The following GABRB3 variants were observed in gnomAD, a reference collection of about 807,000 sequenced individuals.
The protein encoded by GABRB3 is gamma-aminobutyric acid type A receptor subunit beta3, also known as gamma-aminobutyric acid receptor subunit beta-3.
GABRB3 carries 14 observed loss-of-function variants against 52.1 expected under a neutral mutation model. The observed-to-expected ratio is 0.27, with a 90% CI of 0.18 to 0.42. The LOEUF is 0.42. GABRB3 is among the 10% of genes least tolerant of loss of function. The pLI is 1.00. For missense variants in GABRB3, 307 were observed against 609.1 expected (o/e 0.50, Z 5.22); for synonymous variants, 260 against 232.3 (o/e 1.12, Z -1.08).
intron 3 of GABRB3, among the ~76,000 whole-genome samples, chr15:26,742,808 TTATCAAG>T (rs1890243228): frequency 6.6e-6 from 1 of 152,216 alleles, no homozygotes; most frequent in Non-Finnish European, 1.5e-5. Context: ...CTTTATCAAT[TTATCAAG>T]TTCTTGCCAA....
intron 5 of GABRB3, among the ~76,000 whole-genome samples, chr15:26,581,586 C>G (rs1890791868): frequency 6.6e-6 from 1 of 152,218 alleles, no homozygotes; most frequent in Admixed American, 6.5e-5. Flanking sequence ...CTTCATCCCT[C>G]CTTTCTCATT....
chr15:26,619,045 T>C (rs889645193), intron 4 of GABRB3, among the ~76,000 whole-genome samples: 27 of 150,302 alleles, frequency 1.8e-4, no homozygotes, highest in African/African-American at 3.4e-4. Flanking sequence ...TGTGGAGAAA[T>C]AGGAACACTT....
At chr15:26,700,096 T>C (rs1441970592) in intron 3 of GABRB3, among the ~76,000 whole-genome samples, 1 of 151,172 alleles carries the variant, frequency 6.6e-6, no homozygotes, top group African/African-American at 2.4e-5. Flanking sequence ...ACCAGACTGA[T>C]AAGGAAAAAA....
intron 3 of GABRB3, among the ~76,000 whole-genome samples, chr15:26,655,139 G>A (rs1463013888): frequency 6.6e-6 from 1 of 152,252 alleles, no homozygotes; most frequent in Admixed American, 6.5e-5. Flanking sequence ...TTACAAGATT[G>A]TGTTGCACAT....
intron 8 of GABRB3, among the ~76,000 whole-genome samples, chr15:26,552,710 G>C (rs1024452086): frequency 6.6e-6 from 1 of 152,154 alleles, no homozygotes; most frequent in Non-Finnish European, 1.5e-5. Context: ...AGATTCTCCA[G>C]GACAGAAGCT....
chr15:26,693,128 T>C lies in GABRB3; in HGVS notation c.241-71594A>G, dbSNP rs904075292. On this transcript the variant is annotated intron_variant, in intron 3 of 8. Transcript: ENST00000311550. Reference sequence around the variant, plus strand: ...GCTGGCCAAAATAAACCCATACCAATAATCTATAAACAGGGATTTCTCATT... The same window carrying C: ...GCTGGCCAAAATAAACCCATACCAACAATCTATAAACAGGGATTTCTCATT... 5.3e-4 allele frequency among the ~76,000 whole-genome samples: 81 copies of C among 152,300 alleles called. 1 individual carries two copies. The highest frequency in any genetic ancestry group is 1.7e-3 in the African/African-American group (71 of 41,574).
At chr15:26,632,199 C>G (rs969015611) in intron 3 of GABRB3, among the ~76,000 whole-genome samples, 6 of 152,202 alleles carry the variant, frequency 3.9e-5, no homozygotes, top group Non-Finnish European at 5.9e-5. Context: ...AAGTGTACAG[C>G]AATGCGAAAG....
intron 3 of GABRB3, chr15:26,629,024 CG>C: frequency 5.2e-6 from 8 of 1,536,154 alleles, no homozygotes; most frequent in Non-Finnish European, 7.0e-6. Context: ...GGGAGTCTCC[CG>C]GTATCCCGGT....
upstream of GABRB3, chr15:26,773,611 G>T: frequency 2.0e-6 from 3 of 1,524,310 alleles, no homozygotes; most frequent in Non-Finnish European, 2.7e-6. Context: ...CCTCCCGACG[G>T]TGCCTGCAGA....
intron 3 of GABRB3, among the ~76,000 whole-genome samples, chr15:26,678,708 C>T (rs1175404674): frequency 6.6e-6 from 1 of 152,124 alleles, no homozygotes; most frequent in African/African-American, 2.4e-5. Context: ...TGGCTCTCAA[C>T]CCACCCAGGA....
At chr15:26,638,219 C>T (rs28718842) in intron 3 of GABRB3, among the ~76,000 whole-genome samples, 7,186 of 152,076 alleles carry the variant, frequency 0.047, 575 homozygotes, top group African/African-American at 0.16. Context: ...CACAATGACC[C>T]CCAAAGGGCA....
intron 3 of GABRB3, among the ~76,000 whole-genome samples, chr15:26,705,165 A>G (rs1216499506): frequency 6.6e-6 from 1 of 152,196 alleles, no homozygotes; most frequent in African/African-American, 2.4e-5. Flanking sequence ...TGGAAGCTGG[A>G]AAATGCAAGA....
chr15:26,581,692 T>G (rs1890796537), intron 5 of GABRB3, among the ~76,000 whole-genome samples: 1 of 152,196 alleles, frequency 6.6e-6, no homozygotes, highest in South Asian at 2.1e-4. Context: ...CCTCCAGATC[T>G]TCACATAGCT....
chr15:26,586,704 A>AAAAAAT (rs558336153), intron 4 of GABRB3, among the ~76,000 whole-genome samples: 10 of 102,304 alleles, frequency 9.8e-5, no homozygotes, highest in African/African-American at 3.1e-4. Flanking sequence ...AAAAAAAAAA[A>AAAAAAT]AGAGAGAGAG....
At chr15:26,563,729 T>C (rs1240344495) in intron 7 of GABRB3, among the ~76,000 whole-genome samples, 3 of 152,176 alleles carry the variant, frequency 2.0e-5, no homozygotes, top group African/African-American at 7.2e-5. Context: ...GCCTTGACCT[T>C]CTGCTCTCTA....
chr15:26,769,614 G>A (rs1309700878), intron 3 of GABRB3, among the ~76,000 whole-genome samples: 4 of 152,104 alleles, frequency 2.6e-5, no homozygotes, highest in Non-Finnish European at 5.9e-5. Flanking sequence ...TCGTAACTCT[G>A]CCATTTTCTT....
intron 6 of GABRB3, among the ~76,000 whole-genome samples, chr15:26,572,459 G>A (rs915651699): frequency 2.6e-5 from 4 of 152,156 alleles, no homozygotes; most frequent in Admixed American, 6.5e-5. Flanking sequence ...CAGAGACCTC[G>A]GAATGTTAGT....
At chr15:26,684,281 C>T (rs1381239085) in intron 3 of GABRB3, among the ~76,000 whole-genome samples, 1 of 152,182 alleles carries the variant, frequency 6.6e-6, no homozygotes, top group Non-Finnish European at 1.5e-5. Context: ...TACACCCCCA[C>T]ATTGCCACCT....
intron 3 of GABRB3, among the ~76,000 whole-genome samples, chr15:26,630,855 A>T (rs1892894856): frequency 6.6e-6 from 1 of 152,234 alleles, no homozygotes; most frequent in African/African-American, 2.4e-5. Context: ...TGCTTTCAAT[A>T]CTAGTGGGTG....
Sources: allele counts gnomAD v4.1 joint callset (sites outside exome capture counted in the v4.1 genomes callset), GRCh38; gene constraint gnomAD v4.1.1; transcripts MANE v1.5; gene names NCBI Gene and HGNC (gene_info 2026-07-23, HGNC 2026-07-21).